Variants in CFAP20DC observed in about 807,000 individuals in gnomAD.
CFAP20DC encodes protein CFAP20DC.
In CFAP20DC, 84 loss-of-function variants were observed where a neutral mutation model predicts 101.7. That is an observed-to-expected ratio of 0.83 (90% CI 0.69 to 0.99). The LOEUF is 0.99. Among genes scored for constraint, CFAP20DC ranks in the 50% least tolerant of loss-of-function variants. The pLI is 0.00. For synonymous variants in CFAP20DC, 359 were observed against 351.2 expected, an observed-to-expected ratio of 1.02 and a Z score of -0.25; for missense variants, 1,007 against 970.3, an observed-to-expected ratio of 1.04 and a Z score of -0.50.
At chr3:58,873,147 G>C (rs1330883189) in intron 7 of CFAP20DC, among the ~76,000 whole-genome samples, 1 of 150,556 alleles carries the variant, frequency 6.6e-6, no homozygotes, top group African/African-American at 2.5e-5. Context: ...CAGAAGTCTG[G>C]ATAGCTATTC....
At chr3:58,852,458 G>A (rs2078337076) in intron 12 of CFAP20DC, among the ~76,000 whole-genome samples, 3 of 151,834 alleles carry the variant, frequency 2.0e-5, no homozygotes, top group Admixed American at 2.0e-4. Context: ...AGGATACCCA[G>A]GAATTGAACT....
rs548430521 is a variant in CFAP20DC, at chr3:58,980,573, T to C, written c.279-42811A>G. On this transcript the variant is annotated intron_variant, in intron 4 of 16. Transcript: ENST00000482387. ...AATATACACAAATCAATAAATGTAA[T>C]TGAGCATATAAACAGAACCAAAGAC... is the stretch of plus-strand genomic sequence containing the variant. 4.6e-5 allele frequency among the ~76,000 whole-genome samples: 7 copies of C among 152,316 alleles called. No individual in the cohort carries two copies. The East Asian group carries it at 5.8e-4, about 13-fold the overall frequency.
At chr3:58,866,284 C>T (rs2079680345) in intron 11 of CFAP20DC, among the ~76,000 whole-genome samples, 1 of 152,226 alleles carries the variant, frequency 6.6e-6, no homozygotes, top group Admixed American at 6.5e-5. Context: ...AACCCAACAA[C>T]TGGTCATCTT....
intron 4 of CFAP20DC, among the ~76,000 whole-genome samples, chr3:59,011,169 G>GGGA (rs1320576377): frequency 2.0e-5 from 3 of 152,142 alleles, no homozygotes; most frequent in Non-Finnish European, 4.4e-5. Flanking sequence ...AGCCCAAGGC[G>GGGA]GGAGAATCAC....
intron 4 of CFAP20DC, among the ~76,000 whole-genome samples, chr3:58,983,670 TAAATATC>T (rs2092660277): frequency 6.6e-6 from 1 of 152,180 alleles, no homozygotes; most frequent in Non-Finnish European, 1.5e-5. Context: ...GAAATTGTTA[TAAATATC>T]AACAGTAATA....
intron 4 of CFAP20DC, among the ~76,000 whole-genome samples, chr3:58,942,532 G>A (rs2088759430): frequency 6.6e-6 from 1 of 152,216 alleles, no homozygotes; most frequent in Admixed American, 6.5e-5. Flanking sequence ...GAGGAACGGT[G>A]CATTCTGGCC....
chr3:58,850,195 T>A (rs776390907), intron 12 of CFAP20DC, among the ~76,000 whole-genome samples: 6 of 152,212 alleles, frequency 3.9e-5, no homozygotes, highest in Non-Finnish European at 8.8e-5. Context: ...TAGTGCTATT[T>A]CAATTGGTAG....
chr3:58,886,398 A>C (rs2081629723), intron 6 of CFAP20DC, among the ~76,000 whole-genome samples: 1 of 152,106 alleles, frequency 6.6e-6, no homozygotes, highest in South Asian at 2.1e-4. Context: ...AGATACAAAA[A>C]ACTCTATCTC....
chr3:58,784,030 T>C (rs1380496446), intron 15 of CFAP20DC, among the ~76,000 whole-genome samples: 1 of 150,376 alleles, frequency 6.6e-6, no homozygotes, highest in Non-Finnish European at 1.5e-5. Flanking sequence ...GGGGTACCTA[T>C]TGTTTCTATT....
intron 5 of CFAP20DC, among the ~76,000 whole-genome samples, chr3:58,925,871 T>G (rs2085905982): frequency 6.6e-6 from 1 of 152,160 alleles, no homozygotes; most frequent in South Asian, 2.1e-4. Flanking sequence ...TTCTGCCAAT[T>G]TAAGTATTTT....
chr3:58,904,765 A>G (rs1021576302), intron 6 of CFAP20DC, among the ~76,000 whole-genome samples: 5 of 152,116 alleles, frequency 3.3e-5, no homozygotes, highest in African/African-American at 1.2e-4. Flanking sequence ...TTGTCTAATT[A>G]AGACATTGGA....
intron 5 of CFAP20DC, among the ~76,000 whole-genome samples, chr3:58,930,854 G>C (rs970508388): frequency 2.0e-5 from 3 of 152,220 alleles, no homozygotes; most frequent in Non-Finnish European, 2.9e-5. Context: ...CAGAAGACGG[G>C]TGATTTCTGC....
At chr3:58,919,756 T>G (rs1405897993) in intron 5 of CFAP20DC, among the ~76,000 whole-genome samples, 1 of 152,238 alleles carries the variant, frequency 6.6e-6, no homozygotes, top group African/African-American at 2.4e-5. Flanking sequence ...ATTCAGAGTT[T>G]TAATGATATT....
At chr3:58,835,813 A>G (rs934742649) in intron 13 of CFAP20DC, among the ~76,000 whole-genome samples, 54 of 152,226 alleles carry the variant, frequency 3.5e-4, no homozygotes, top group Non-Finnish European at 1.2e-4. Context: ...ATTTTTAAGA[A>G]GCTTTGCAAT....
chr3:58,989,948 A>G (rs969927989), intron 4 of CFAP20DC, among the ~76,000 whole-genome samples: 2 of 152,234 alleles, frequency 1.3e-5, no homozygotes, highest in African/African-American at 4.8e-5. Context: ...AAAAGAGTCA[A>G]GAGTTAATCC....
chr3:58,772,668 A>T (rs2070954689), intron 15 of CFAP20DC, among the ~76,000 whole-genome samples: 1 of 152,228 alleles, frequency 6.6e-6, no homozygotes, highest in South Asian at 2.1e-4. Flanking sequence ...AAAGAGCTGG[A>T]AACCACCTAG....
At chr3:58,977,855 T>C (rs746788053) in intron 4 of CFAP20DC, among the ~76,000 whole-genome samples, 1 of 151,966 alleles carries the variant, frequency 6.6e-6, no homozygotes, top group Non-Finnish European at 1.5e-5. Context: ...CTCTCCCCAC[T>C]CTACCCTGGT....
intron 14 of CFAP20DC, among the ~76,000 whole-genome samples, chr3:58,820,564 T>C (rs1181568920): frequency 3.3e-5 from 5 of 151,626 alleles, no homozygotes; most frequent in Non-Finnish European, 7.4e-5. Flanking sequence ...GAGAAGAAAA[T>C]ACCTAGGAAT....
At chr3:58,948,996 C>T (rs1344240656) in intron 4 of CFAP20DC, among the ~76,000 whole-genome samples, 3 of 152,172 alleles carry the variant, frequency 2.0e-5, no homozygotes, top group Non-Finnish European at 4.4e-5. Flanking sequence ...AGAGATTCAA[C>T]TTCTTCCTGG....
Sources: gnomAD v4.1 joint callset for allele counts (sites outside exome capture counted in the v4.1 genomes callset) on GRCh38, gnomAD v4.1.1 for gene constraint, MANE v1.5 for transcripts, NCBI Gene and HGNC (gene_info 2026-07-23, HGNC 2026-07-21) for gene names.